Variants in FOXN2 observed in about 807,000 individuals in gnomAD.
The protein encoded by FOXN2 is forkhead box protein N2.
FOXN2 carries 19 observed loss-of-function variants against 41.2 expected under a neutral mutation model. That is an observed-to-expected ratio of 0.46 (90% CI 0.32 to 0.68). The LOEUF (loss-of-function observed/expected upper bound fraction) is 0.68, where lower values mean the gene tolerates loss of function less well. Among genes scored for constraint, FOXN2 ranks in the 30% least tolerant of loss-of-function variants. The pLI, the probability that FOXN2 is intolerant of heterozygous loss-of-function variation, is 0.03. For missense variants in FOXN2, 587 were observed against 509.4 expected (o/e 1.15, Z -1.47); for synonymous variants, 195 against 176.8 (o/e 1.10, Z -0.82).
At chr2:48,345,581 A>G (rs28485447) in intron 2 of FOXN2, among the ~76,000 whole-genome samples, 18,429 of 152,246 alleles carry the variant, frequency 0.12, 1,316 homozygotes, top group African/African-American at 0.2. Flanking sequence ...TACATGTATC[A>G]TAATATCACA....
intron 2 of FOXN2, among the ~76,000 whole-genome samples, chr2:48,337,454 A>G (rs1670440768): frequency 6.6e-6 from 1 of 151,856 alleles, no homozygotes; most frequent in South Asian, 2.1e-4. Flanking sequence ...GCACACCACC[A>G]TGCCCCACTA....
intron 1 of FOXN2, among the ~76,000 whole-genome samples, chr2:48,325,809 G>T (rs1268314443): frequency 1.3e-5 from 2 of 148,930 alleles, no homozygotes; most frequent in Admixed American, 1.3e-4. Context: ...CCCCTCCATA[G>T]TCTGGGATTT....
intron 2 of FOXN2, among the ~76,000 whole-genome samples, chr2:48,330,840 T>C (rs1669976099): frequency 6.6e-6 from 1 of 152,228 alleles, no homozygotes; most frequent in South Asian, 2.1e-4. Context: ...TGATTTTAAG[T>C]AGGAAGCTGG....
Position 48,314,820 on chromosome 2 carries a change from T to C in FOXN2, c.-157+6T>C, listed in dbSNP as rs938979978. 6.6e-6 allele frequency: 1 copy of C among 151,774 alleles called. No individual in the cohort carries two copies. Among genetic ancestry groups the C allele is most frequent in the African/African-American group, 2.4e-5 (1 of 41,298 alleles). The allele number at this position is 151,774 out of a possible 1,614,324, so 9.4% of individuals were successfully genotyped here. A position where few individuals can be genotyped will look rare whatever the true frequency, so the allele number is the denominator to read the frequency against. Reference sequence around the variant, plus strand: ...GCCTCCCGGCCGAGCTGACGGTGAGTCCCGGGCGGAGCGGTCCCCTCCAGG... The same window carrying C: ...GCCTCCCGGCCGAGCTGACGGTGAGCCCCGGGCGGAGCGGTCCCCTCCAGG... On this transcript the variant is annotated splice_donor_region_variant and intron_variant, in intron 1 of 6. Coordinates refer to ENST00000340553, the MANE Select transcript of FOXN2 (RefSeq NM_002158.4).
intron 1 of FOXN2, among the ~76,000 whole-genome samples, chr2:48,323,039 C>T (rs934862869): frequency 6.6e-6 from 1 of 151,814 alleles, no homozygotes; most frequent in Non-Finnish European, 1.5e-5. Flanking sequence ...TCTAAACATA[C>T]ATTCAAGGGT....
intron 2 of FOXN2, among the ~76,000 whole-genome samples, chr2:48,330,015 T>G (rs1669930826): frequency 6.6e-6 from 1 of 152,020 alleles, no homozygotes; most frequent in Admixed American, 6.6e-5. Context: ...AAGAAAATGG[T>G]TTTCCTTTTT....
intron 1 of FOXN2, among the ~76,000 whole-genome samples, chr2:48,315,257 C>G (rs1462711885): frequency 1.3e-5 from 2 of 152,166 alleles, no homozygotes; most frequent in Non-Finnish European, 2.9e-5. Context: ...GCAACGCCCC[C>G]TCCTCTGGCT....
In FOXN2 at chr2:48,378,587, A is replaced by C. The variant is rs1316406445; in HGVS notation, c.*3144A>C. The C allele has an allele frequency of 6.6e-6, 1 of 152,480 alleles. No individual in the cohort carries two copies. Among genetic ancestry groups the C allele is most frequent in the Non-Finnish European group, 1.5e-5 (1 of 67,948 alleles). The allele number at this position is 152,480 out of a possible 1,614,324, so 9.4% of individuals were successfully genotyped here. ...CAAAGCTGTAAAGACCATTGTCTTA[A>C]ATACTACAACAACTTAACACCCTTT... On this transcript the variant is annotated 3_prime_UTR_variant, in exon 7 of 7. Transcript: ENST00000340553.
At chr2:48,340,228 C>T (rs1048404436) in intron 2 of FOXN2, among the ~76,000 whole-genome samples, 2 of 152,184 alleles carry the variant, frequency 1.3e-5, no homozygotes, top group East Asian at 1.9e-4. Context: ...CACTGTGACA[C>T]ATCTAATTCT....
At chr2:48,349,888 A>G (rs1671346792) in intron 3 of FOXN2, among the ~76,000 whole-genome samples, 1 of 152,254 alleles carries the variant, frequency 6.6e-6, no homozygotes, top group Admixed American at 6.5e-5. Flanking sequence ...AAGCCACCCA[A>G]ATTTTAAATC....
chr2:48,313,781 A>C (rs907165798), upstream of FOXN2, among the ~76,000 whole-genome samples: 1 of 152,188 alleles, frequency 6.6e-6, no homozygotes, highest in South Asian at 2.1e-4. Flanking sequence ...AGTTTCCATG[A>C]GTTAGATAGG....
chr2:48,364,409 G>C (rs1406725104), intron 5 of FOXN2, among the ~76,000 whole-genome samples: 24 of 151,840 alleles, frequency 1.6e-4, no homozygotes, highest in Admixed American at 1.6e-3. Context: ...TTAACATTTT[G>C]ATATAATTCC....
chr2:48,355,014 A>G (rs1028633242), intron 3 of FOXN2, among the ~76,000 whole-genome samples: 1 of 152,198 alleles, frequency 6.6e-6, no homozygotes, highest in Non-Finnish European at 1.5e-5. Context: ...AGTTACTAGA[A>G]TTAGAAATGG....
At chr2:48,330,540 T>G (rs983316131) in intron 2 of FOXN2, among the ~76,000 whole-genome samples, 2 of 152,144 alleles carry the variant, frequency 1.3e-5, no homozygotes, top group East Asian at 3.8e-4. Flanking sequence ...TTAGCCTCAG[T>G]CAATTTGTTT....
intron 2 of FOXN2, among the ~76,000 whole-genome samples, chr2:48,338,636 T>C (rs1423615439): frequency 1.3e-5 from 2 of 152,042 alleles, no homozygotes; most frequent in Non-Finnish European, 2.9e-5. Context: ...CCTGACCTCA[T>C]GATCCGCCCG....
intron 4 of FOXN2, among the ~76,000 whole-genome samples, chr2:48,359,901 T>A (rs1156765670): frequency 2.0e-5 from 3 of 152,174 alleles, no homozygotes; most frequent in African/African-American, 7.2e-5. Context: ...ATTAAGTTTG[T>A]CATTATAACA....
intron 2 of FOXN2, among the ~76,000 whole-genome samples, chr2:48,329,273 G>A (rs571064317): frequency 1.3e-5 from 2 of 152,248 alleles, no homozygotes; most frequent in African/African-American, 2.4e-5. Flanking sequence ...AATAGAAGTA[G>A]CATCTAAACA....
intron 1 of FOXN2, among the ~76,000 whole-genome samples, chr2:48,319,701 C>T (rs1203737271): frequency 6.7e-6 from 1 of 149,800 alleles, no homozygotes; most frequent in Non-Finnish European, 1.5e-5. Flanking sequence ...AGCTCCACCT[C>T]TTAGGCTCAA....
chr2:48,331,254 A>T (rs573009358), intron 2 of FOXN2, among the ~76,000 whole-genome samples: 17 of 152,316 alleles, frequency 1.1e-4, no homozygotes, highest in African/African-American at 3.6e-4. Context: ...TTTCCCAGTA[A>T]GAATTCTTAG....
Sources: gnomAD v4.1 joint callset for allele counts (sites outside exome capture counted in the v4.1 genomes callset) on GRCh38, gnomAD v4.1.1 for gene constraint, MANE v1.5 for transcripts, NCBI Gene and HGNC (gene_info 2026-07-23, HGNC 2026-07-21) for gene names.